RRP8: variants seen among roughly 807,000 people sequenced by gnomAD.
RRP8 encodes the protein ribosomal RNA processing 8, also known as ribosomal RNA-processing protein 8.
A neutral mutation model predicts 45.0 loss-of-function variants in RRP8; 48 were observed. The observed-to-expected ratio is 1.07, with a 90% CI of 0.85 to 1.36. The LOEUF is 1.36. Ranked by LOEUF, RRP8 falls within the 40% of genes most tolerant of loss-of-function variation. RRP8 has a pLI of 0.00. For missense variants in RRP8, 658 were observed against 573.7 expected (o/e 1.15, Z -1.50); for synonymous variants, 274 against 212.4 (o/e 1.29, Z -2.52).
chr11:6,600,172 G>T lies in RRP8; in HGVS notation c.1345C>A (p.Gln449Lys). The change falls in exon 7 of 7, where the codon CAG becomes AAG. Residue 449 changes from glutamine to lysine, a missense_variant. Transcript: ENST00000254605. ...PKAQLSGLQL[Q>K]PCLYKRR is the part of the protein sequence containing the mutation. ...CACCTGCGCTTGTAGAGACATGGCT[G>T]AAGCTGCAGGCCTGAAAGCTGAGCC... The T allele has an allele frequency of 6.2e-7, 1 of 1,600,590 alleles. No homozygotes were observed. Among genetic ancestry groups the T allele is most frequent in the Non-Finnish European group, 8.5e-7 (1 of 1,175,498 alleles).
rs1854289274 is a variant in RRP8, at chr11:6,599,405, T to C, written c.*741A>G. 6.6e-6 allele frequency: 1 copy of C among 152,256 alleles called. No homozygotes were observed. Among genetic ancestry groups the C allele is most frequent in the African/African-American group, 2.4e-5 (1 of 41,460 alleles). The allele number at this position is 152,256 out of a possible 1,614,324, so 9.4% of individuals were successfully genotyped here. ...TATACAGAGATTAAATGACTTTAAG[T>C]GCCTCTGGGTAGCAGGCCAAGAATT... On this transcript the variant is annotated 3_prime_UTR_variant, in exon 7 of 7. Transcript: ENST00000254605.
Position 6,603,597 on chromosome 11 carries a change from C to T in RRP8, c.-95G>A, listed in dbSNP as rs2134509245. Reference sequence around the variant, plus strand: ...GAGCGCTCAGACCTGCCAGAACCGACCCGGAAACCAAAGCGTGACAGCCAG... The same window carrying T: ...GAGCGCTCAGACCTGCCAGAACCGATCCGGAAACCAAAGCGTGACAGCCAG... On this transcript the variant is annotated 5_prime_UTR_variant, in exon 1 of 7. Coordinates refer to ENST00000254605, the MANE Select transcript of RRP8 (RefSeq NM_015324.4). The T allele has an allele frequency of 1.4e-6, 1 of 738,210 alleles. No homozygotes were observed. Among genetic ancestry groups the T allele is most frequent in the Non-Finnish European group, 2.1e-6 (1 of 473,362 alleles). The allele number at this position is 738,210 out of a possible 1,614,324, so 45.7% of individuals were successfully genotyped here. A position where few individuals can be genotyped will look rare whatever the true frequency, so the allele number is the denominator to read the frequency against.
In RRP8 at chr11:6,599,737, A is replaced by G. The variant is rs1854296142; in HGVS notation, c.*409T>C. 6.6e-6 allele frequency: 1 copy of G among 152,570 alleles called. No homozygotes were observed. The highest frequency in any genetic ancestry group is 2.4e-5 in the African/African-American group (1 of 41,492). 9.5% of individuals were successfully genotyped at this position (152,570 alleles called of 1,614,324 possible). A position where few individuals can be genotyped will look rare whatever the true frequency, so the allele number is the denominator to read the frequency against. On this transcript the variant is annotated 3_prime_UTR_variant, in exon 7 of 7. Transcript: ENST00000254605. Reference sequence around the variant, plus strand: ...GGGCAAACTGAAGCTGAAGGAGCAGAAGCTATGGGTGAGCAGAGGAAGCTG... The same window carrying G: ...GGGCAAACTGAAGCTGAAGGAGCAGGAGCTATGGGTGAGCAGAGGAAGCTG...
chr11:6,597,592 A>AAAC lies in RRP8; in HGVS notation c.*2553_*2554insGTT, dbSNP rs1854249463. 6.6e-6 allele frequency: 1 copy of AAAC among 151,278 alleles called. No individual in the cohort carries two copies. Among genetic ancestry groups the AAAC allele is most frequent in the African/African-American group, 2.4e-5 (1 of 41,090 alleles). 9.4% of individuals were successfully genotyped at this position (151,278 alleles called of 1,614,324 possible). Reference sequence around the variant, plus strand: ...ACCTGCCCATCCTCCCATAAAAAAAAAAAAAAAAAAAACACTGGCTGGGCA... The same window carrying AAAC: ...ACCTGCCCATCCTCCCATAAAAAAAAAACAAAAAAAAAAAACACTGGCTGGGCA... On this transcript the variant is annotated 3_prime_UTR_variant, in exon 7 of 7. Coordinates refer to ENST00000254605, the MANE Select transcript of RRP8 (RefSeq NM_015324.4).
chr11:6,600,246 A>G lies in RRP8; in HGVS notation c.1271T>C (p.Phe424Ser). ...IVSKDLTNSH[F>S]FLFDFQKTGP... ...AGTCTTTTGGAAATCAAACAAGAAGAAATGGCTGTTGGTCAGGTCCTAGGG... is the reference window on the plus strand; with the variant it reads ...AGTCTTTTGGAAATCAAACAAGAAGGAATGGCTGTTGGTCAGGTCCTAGGG... The change falls in exon 7 of 7, where the codon TTC (phenylalanine) becomes TCC (serine). Residue 424 changes from phenylalanine to serine, a missense_variant. Phe to Ser is a radical substitution (Grantham distance 155). Transcript: ENST00000254605. 1 of 1,600,122 alleles carries G rather than the reference A, an allele frequency of 6.2e-7. No individual in the cohort carries two copies. Among genetic ancestry groups the G allele is most frequent in the East Asian group, 2.2e-5 (1 of 44,738 alleles).
chr11:6,602,823 G>A (rs993073535), intron 1 of RRP8, among the ~76,000 whole-genome samples: 1 of 152,158 alleles, frequency 6.6e-6, no homozygotes, highest in African/African-American at 2.4e-5. Context: ...AGGAGAAGAT[G>A]TATTGTCGGG....
chr11:6,596,892 A>C lies in RRP8; in HGVS notation c.*3254T>G, dbSNP rs1038462552. On this transcript the variant is annotated 3_prime_UTR_variant, in exon 7 of 7. Coordinates refer to ENST00000254605, the MANE Select transcript of RRP8 (RefSeq NM_015324.4). ...GAGAACTCTCAAAGGGATGCTGAAC[A>C]AGCATGAGGCACGGATAACCAAACC... The C allele has an allele frequency of 6.6e-6, 1 of 152,220 alleles. No homozygotes were observed. Among genetic ancestry groups the C allele is most frequent in the African/African-American group, 2.4e-5 (1 of 41,454 alleles). 9.4% of individuals were successfully genotyped at this position (152,220 alleles called of 1,614,324 possible).
rs1401369719 is a variant in RRP8, at chr11:6,597,941, T to G, written c.*2205A>C. ...TCTCCTGGTTTTACTCCTACATCTC[T>G]GGGTGAACCTTCTCCTCTTCCATCA... On this transcript the variant is annotated 3_prime_UTR_variant, in exon 7 of 7. Transcript: ENST00000254605. The G allele has an allele frequency of 6.6e-6, 1 of 152,328 alleles. No individual in the cohort carries two copies. Among genetic ancestry groups the G allele is most frequent in the African/African-American group, 2.4e-5 (1 of 41,376 alleles). The allele number at this position is 152,328 out of a possible 1,614,324, so 9.4% of individuals were successfully genotyped here.
rs1456980475 is a variant in RRP8 at position 6,598,214 on chromosome 11, C to T, written c.*1932G>A. On this transcript the variant is annotated 3_prime_UTR_variant, in exon 7 of 7. Transcript: ENST00000254605. ...GCAACCTGGAACTTACTTCAGATTC[C>T]TCTCTTACCAACCTCAACATCCCAC... 6.6e-6 allele frequency: 1 copy of T among 152,208 alleles called. No individual in the cohort carries two copies. Among genetic ancestry groups the T allele is most frequent in the Admixed American group, 6.5e-5 (1 of 15,282 alleles). 9.4% of individuals were successfully genotyped at this position (152,208 alleles called of 1,614,324 possible).
Position 6,599,142 on chromosome 11 carries a change from G to A in RRP8, c.*1004C>T, listed in dbSNP as rs1451577107. 1 of 152,236 alleles carries A rather than the reference G, an allele frequency of 6.6e-6. No individual in the cohort carries two copies. Among genetic ancestry groups the A allele is most frequent in the Non-Finnish European group, 1.5e-5 (1 of 68,056 alleles). The allele number at this position is 152,236 out of a possible 1,614,324, so 9.4% of individuals were successfully genotyped here. ...AAATAGCCTATGAAGCAGGCCTGTT[G>A]AAAGGTCTAGCCTCTCCCAGAGGCT... On this transcript the variant is annotated 3_prime_UTR_variant, in exon 7 of 7. Coordinates refer to ENST00000254605, the MANE Select transcript of RRP8 (RefSeq NM_015324.4).
At position 6,600,174 on chromosome 11, in the gene RRP8, A is replaced by G. The variant is rs1281167440; in HGVS notation, c.1343T>C (p.Leu448Pro). The G allele has an allele frequency of 5.6e-6, 9 of 1,601,032 alleles. No homozygotes were observed. Among genetic ancestry groups the G allele is most frequent in the Non-Finnish European group, 7.7e-6 (9 of 1,175,750 alleles). ...CCTGCGCTTGTAGAGACATGGCTGA[A>G]GCTGCAGGCCTGAAAGCTGAGCCTT... ...GPKAQLSGLQ[L>P]QPCLYKRR Residue 448 changes from leucine to proline, a missense_variant, in exon 7 of 7, where the codon CTT becomes CCT. Coordinates refer to ENST00000254605, the MANE Select transcript of RRP8 (RefSeq NM_015324.4).
chr11:6,600,944 A>C lies in RRP8; in HGVS notation c.1029T>G (p.Thr343=). Residue 343 remains threonine (T), a synonymous_variant, in exon 4 of 7, where the codon ACT becomes ACG. Coordinates refer to ENST00000254605, the MANE Select transcript of RRP8 (RefSeq NM_015324.4). ...FDLASLDPRV[T]VCDMAQVPLE... ...GGTTTACCTGGGCCATGTCACACACAGTGACCCTAGGGTCCAGAGAAGCCA... is the reference window on the plus strand; with the variant it reads ...GGTTTACCTGGGCCATGTCACACACCGTGACCCTAGGGTCCAGAGAAGCCA... 1 of 1,614,146 alleles carries C rather than the reference A, an allele frequency of 6.2e-7. No individual in the cohort carries two copies. The highest frequency in any genetic ancestry group is 8.5e-7 in the Non-Finnish European group (1 of 1,179,992).
chr11:6,603,243 A>C (rs1028235994), intron 1 of RRP8, among the ~76,000 whole-genome samples, 161 bp downstream of exon 1: 2 of 152,196 alleles, frequency 1.3e-5, no homozygotes, highest in African/African-American at 2.4e-5. Context: ...ACTCTCTCTG[A>C]CCCAACGTCA....
At position 6,600,900 on chromosome 11, in the gene RRP8, A is replaced by T. The variant is rs1433623249; in HGVS notation, c.1047+26T>A. On this transcript the variant is annotated intron_variant, in intron 4 of 6. Coordinates refer to ENST00000254605, the MANE Select transcript of RRP8 (RefSeq NM_015324.4). ...AGCATACGGAGGTTGGCCCTAGAGC[A>T]CAAGCCAGATAACATAGGGGTTTAC... is the stretch of plus-strand genomic sequence containing the variant. The T allele has an allele frequency of 2.5e-6, 4 of 1,613,918 alleles. No homozygotes were observed. The Admixed American group carries it at 5.0e-5, about 20-fold the overall frequency.
At position 6,600,760 on chromosome 11, in the gene RRP8, C is replaced by T. The variant is rs1324623612; in HGVS notation, c.1063G>A (p.Glu355Lys). The T allele has an allele frequency of 6.2e-7, 1 of 1,613,948 alleles. No individual in the cohort carries two copies. The change falls in exon 5 of 7, where the codon GAG becomes AAG. Residue 355 changes from glutamate to lysine, a missense_variant. By Grantham distance (56) the Glu-to-Lys change is moderately conservative. Coordinates refer to ENST00000254605, the MANE Select transcript of RRP8 (RefSeq NM_015324.4). ...CAAAACACAGCCACATCCACAGACT[C>T]ATCCTCCAGAGGAACCTGTGGAGAG... ...CDMAQVPLEDESVDVAVFCLS... is the reference protein window; with the variant it reads ...CDMAQVPLEDKSVDVAVFCLS...
In RRP8 at chr11:6,601,289, G is replaced by A; in HGVS notation, c.777C>T (p.Tyr259=). ...ARFRYLNEQL[Y]SGPSSAAQRL... is the part of the protein sequence containing the mutation. ...GCTGTGCAGCACTGCTGGGCCCTGAGTACAACTGTTCATTGAGGTAGCGAA... is the reference window on the plus strand; with the variant it reads ...GCTGTGCAGCACTGCTGGGCCCTGAATACAACTGTTCATTGAGGTAGCGAA... The change falls in exon 3 of 7, where the codon TAC becomes TAT. Residue 259 remains tyrosine (Y), a synonymous_variant. Coordinates refer to ENST00000254605, the MANE Select transcript of RRP8 (RefSeq NM_015324.4). 6.2e-7 allele frequency: 1 copy of A among 1,613,212 alleles called. No homozygotes were observed. The highest frequency in any genetic ancestry group is 1.3e-5 in the African/African-American group (1 of 75,052).
rs377558186 is a variant in RRP8, at chr11:6,601,164, C to G, written c.902G>C (p.Arg301Thr). Residue 301 changes from arginine to threonine, a missense_variant, in exon 3 of 7, where the codon AGG becomes ACG. Arg to Thr is a moderately conservative substitution (Grantham distance 71). Coordinates refer to ENST00000254605, the MANE Select transcript of RRP8 (RefSeq NM_015324.4). ...WPLQPVDRIA[R>T]DLRQRPASLV... Reference sequence around the variant, plus strand: ...CCCCATTCACCGCTGGCGAAGATCCCTGGCGATGCGGTCCACTGGCTGCAG... The same window carrying G: ...CCCCATTCACCGCTGGCGAAGATCCGTGGCGATGCGGTCCACTGGCTGCAG... 3 of 1,613,824 alleles carry G rather than the reference C, an allele frequency of 1.9e-6. No homozygotes were observed. Among genetic ancestry groups the G allele is most frequent in the Admixed American group, 1.7e-5 (1 of 59,998 alleles).
chr11:6,601,830 A>G, intron 2 of RRP8, 22 bp downstream of exon 2: 1 of 1,586,688 alleles, frequency 6.3e-7, no homozygotes, highest in Non-Finnish European at 8.6e-7. Context: ...CAACACACAC[A>G]CATATACACA....
chr11:6,602,150 A>G lies in RRP8; in HGVS notation c.165T>C (p.His55=), dbSNP rs1589916844. 2.5e-6 allele frequency: 4 copies of G among 1,604,368 alleles called. No individual in the cohort carries two copies. The highest frequency in any genetic ancestry group is 3.4e-6 in the Non-Finnish European group (4 of 1,174,302). Residue 55 remains histidine (H), a synonymous_variant, in exon 2 of 7, where the codon CAT becomes CAC. Coordinates refer to ENST00000254605, the MANE Select transcript of RRP8 (RefSeq NM_015324.4). Reference sequence around the variant, plus strand: ...AGTCACTTATACATAGGCTGGGGGGATGCTGGGAAAGAGATGCTGCCTCTA... The same window carrying G: ...AGTCACTTATACATAGGCTGGGGGGGTGCTGGGAAAGAGATGCTGCCTCTA... The part of the protein sequence containing the change: ...RALEAASLSQ[H]PPSLCISDSE...
Sources: gnomAD v4.1 joint callset for allele counts (sites outside exome capture counted in the v4.1 genomes callset) on GRCh38, gnomAD v4.1.1 for gene constraint, MANE v1.5 for transcripts, NCBI Gene and HGNC (gene_info 2026-07-23, HGNC 2026-07-21) for gene names.